RABL3: variants seen among roughly 807,000 people sequenced by gnomAD.
RABL3 encodes the protein rab-like protein 3.
RABL3 carries 31 observed loss-of-function variants against 31.8 expected under a neutral mutation model. The ratio of observed to expected loss-of-function variants is 0.97; its 90% CI spans 0.73 to 1.31. The LOEUF (loss-of-function observed/expected upper bound fraction) is 1.31, where lower values mean the gene tolerates loss of function less well. Among genes scored for constraint, RABL3 ranks in the 40% most tolerant of loss-of-function variants. RABL3 has a pLI of 0.00. For missense variants in RABL3, 263 were observed against 279.6 expected (o/e 0.94, Z 0.42); for synonymous variants, 97 against 99.9 (o/e 0.97, Z 0.18).
intron 2 of RABL3, among the ~76,000 whole-genome samples, chr3:120,724,859 C>T (rs1239449451): frequency 6.6e-6 from 1 of 151,764 alleles, no homozygotes; most frequent in Admixed American, 6.6e-5. Flanking sequence ...AGAAGAAAAC[C>T]TAGGCAATAC....
chr3:120,726,131 G>C lies in RABL3; in HGVS notation c.138+4565C>G, dbSNP rs369683676. 4.3e-4 allele frequency among the ~76,000 whole-genome samples: 66 copies of C among 152,014 alleles called. No homozygotes were observed. In the East Asian group the frequency reaches 0.013, roughly 29 times the overall value. On this transcript the variant is annotated intron_variant, in intron 2 of 7. Transcript: ENST00000273375. ...ATGTCTGGCCTACTCAACACCTCTG[G>C]GTAAAAGTTTTTCTGTCTCATAGAG...
intron 4 of RABL3, among the ~76,000 whole-genome samples, chr3:120,699,999 T>C (rs879170020): frequency 1.2e-4 from 19 of 152,212 alleles, no homozygotes; most frequent in African/African-American, 4.3e-4. Flanking sequence ...AATATCATCT[T>C]TGATGTACAT....
intron 5 of RABL3, among the ~76,000 whole-genome samples, chr3:120,695,473 T>C (rs1367457866): frequency 6.6e-6 from 1 of 152,160 alleles, no homozygotes; most frequent in East Asian, 1.9e-4. Context: ...CAATATTTTA[T>C]TTCACGGGAT....
intron 2 of RABL3, among the ~76,000 whole-genome samples, chr3:120,727,977 T>G (rs1004685726): frequency 6.6e-6 from 1 of 152,216 alleles, no homozygotes; most frequent in Non-Finnish European, 1.5e-5. Flanking sequence ...GCAAATACTT[T>G]ACTAAATAGT....
chr3:120,699,677 G>A (rs1278161790), intron 4 of RABL3, among the ~76,000 whole-genome samples: 1 of 151,974 alleles, frequency 6.6e-6, no homozygotes, highest in Non-Finnish European at 1.5e-5. Flanking sequence ...TGGGGTAGGG[G>A]GCAAAGTTAC....
chr3:120,694,703 A>G (rs1364372111), intron 5 of RABL3, among the ~76,000 whole-genome samples: 1 of 152,150 alleles, frequency 6.6e-6, no homozygotes, highest in Non-Finnish European at 1.5e-5. Context: ...TGCAAAGAAC[A>G]AACAGAACAA....
At chr3:120,693,850 G>GAA (rs960773896) in intron 6 of RABL3, among the ~76,000 whole-genome samples, 3 of 151,786 alleles carry the variant, frequency 2.0e-5, no homozygotes, top group Admixed American at 6.6e-5. Context: ...GTGAATAAGT[G>GAA]AAAAAAAGAG....
intron 2 of RABL3, among the ~76,000 whole-genome samples, chr3:120,713,444 G>C (rs1301933744): frequency 6.6e-6 from 1 of 152,210 alleles, no homozygotes; most frequent in Non-Finnish European, 1.5e-5. Flanking sequence ...GGGAAAGCTT[G>C]ACATTATAAC....
chr3:120,692,170 G>C (rs1479054910), intron 6 of RABL3, among the ~76,000 whole-genome samples: 1 of 152,006 alleles, frequency 6.6e-6, no homozygotes, highest in Non-Finnish European at 1.5e-5. Flanking sequence ...GCTGGAGAAG[G>C]AGTTAGACTT....
At chr3:120,710,626 A>G (rs1457817547) in intron 2 of RABL3, 2 of 152,148 alleles carry the variant, frequency 1.3e-5, no homozygotes, top group Non-Finnish European at 2.9e-5. Flanking sequence ...CCTTCTGTGC[A>G]TGAGATCCCA....
intron 4 of RABL3, among the ~76,000 whole-genome samples, chr3:120,700,158 A>G (rs1433463225): frequency 2.0e-5 from 3 of 152,132 alleles, no homozygotes; most frequent in African/African-American, 4.8e-5. Flanking sequence ...TAATCTTGAA[A>G]TCTTCTTTGG....
At chr3:120,720,466 T>A (rs1394234743) in intron 2 of RABL3, among the ~76,000 whole-genome samples, 3 of 152,042 alleles carry the variant, frequency 2.0e-5, no homozygotes, top group African/African-American at 7.3e-5. Flanking sequence ...CTAACTAGAA[T>A]AATCAACACA....
chr3:120,712,191 T>C (rs993591445), intron 2 of RABL3, among the ~76,000 whole-genome samples: 3 of 152,130 alleles, frequency 2.0e-5, no homozygotes, highest in Non-Finnish European at 4.4e-5. Flanking sequence ...TGCTACTCTA[T>C]AAACAGCCAC....
chr3:120,741,151 T>C (rs1166697929), intron 1 of RABL3, among the ~76,000 whole-genome samples: 1 of 152,248 alleles, frequency 6.6e-6, no homozygotes, highest in Non-Finnish European at 1.5e-5. Flanking sequence ...TACTCAGTGA[T>C]ACTCTTGCCA....
chr3:120,716,019 T>C (rs1708664103), intron 2 of RABL3, among the ~76,000 whole-genome samples: 1 of 152,246 alleles, frequency 6.6e-6, no homozygotes, highest in Admixed American at 6.5e-5. Flanking sequence ...TCCCACCTCA[T>C]ATGCTTAGTG....
intron 2 of RABL3, among the ~76,000 whole-genome samples, chr3:120,715,190 T>C (rs953263137): frequency 1.3e-5 from 2 of 152,206 alleles, no homozygotes; most frequent in Admixed American, 6.5e-5. Flanking sequence ...TGAACTACTA[T>C]AACACTTGTT....
chr3:120,714,422 G>T (rs184105125), intron 2 of RABL3, among the ~76,000 whole-genome samples: 281 of 152,228 alleles, frequency 1.8e-3, no homozygotes, highest in Admixed American at 4.7e-3. Flanking sequence ...ATTGAAGGAA[G>T]AAATGAACAA....
At chr3:120,706,420 C>G (rs1708549127) in intron 3 of RABL3, among the ~76,000 whole-genome samples, 1 of 152,010 alleles carries the variant, frequency 6.6e-6, no homozygotes, top group South Asian at 2.1e-4. Flanking sequence ...CCTGTTCCTA[C>G]CTGTAGAACC....
chr3:120,691,251 G>A (rs1451440036), intron 6 of RABL3, among the ~76,000 whole-genome samples: 4 of 152,170 alleles, frequency 2.6e-5, no homozygotes, highest in Non-Finnish European at 5.9e-5. Context: ...TCCAGATGAT[G>A]AAAAACATTT....
Sources: gnomAD v4.1 joint callset for allele counts (sites outside exome capture counted in the v4.1 genomes callset) on GRCh38, gnomAD v4.1.1 for gene constraint, MANE v1.5 for transcripts, NCBI Gene and HGNC (gene_info 2026-07-23, HGNC 2026-07-21) for gene names.